Variants in STARD13 observed in about 807,000 individuals in gnomAD.
STARD13 encodes StAR related lipid transfer domain containing 13, also known as stAR-related lipid transfer protein 13.
A neutral mutation model predicts 106.4 loss-of-function variants in STARD13; 62 were observed. The observed-to-expected ratio is 0.58, with a 90% CI of 0.48 to 0.72. The LOEUF (loss-of-function observed/expected upper bound fraction) is 0.72. STARD13 is among the 30% of genes least tolerant of loss of function. The pLI, the probability that STARD13 is intolerant of heterozygous loss-of-function variation, is 0.00. For synonymous variants in STARD13, 565 were observed against 553.0 expected, an observed-to-expected ratio of 1.02 and a Z score of -0.31; for missense variants, 1,387 against 1,424.0, an observed-to-expected ratio of 0.97 and a Z score of 0.42.
chr13:33,401,605 C>T, the STARD13 span, among the ~76,000 whole-genome samples: 1 of 152,192 alleles, frequency 6.6e-6, no homozygotes, highest in Non-Finnish European at 1.5e-5. Flanking sequence ...ACCCAACTTT[C>T]CTTCTTGTCT....
At chr13:33,636,244 T>C in the STARD13 span, among the ~76,000 whole-genome samples, 1 of 151,780 alleles carries the variant, frequency 6.6e-6, no homozygotes, top group East Asian at 1.9e-4. Context: ...CTGATTGCGA[T>C]GATTTTTGTA....
At chr13:33,225,111 T>C (rs1888555040) in intron 1 of STARD13, among the ~76,000 whole-genome samples, 2 of 152,188 alleles carry the variant, frequency 1.3e-5, no homozygotes, top group South Asian at 4.1e-4. Context: ...AAACGGAATA[T>C]ACATAAATAA....
intron 3 of STARD13, 147 bp from the exon 4 acceptor site, chr13:33,142,520 G>T (rs1879972380): frequency 1.4e-6 from 1 of 696,654 alleles, no homozygotes; most frequent in East Asian, 2.8e-5. Context: ...CAGAAGGTAT[G>T]CTATATAGTA....
chr13:33,352,962 T>TA (rs2078093135), upstream of STARD13, among the ~76,000 whole-genome samples: 1 of 152,202 alleles, frequency 6.6e-6, no homozygotes, highest in African/African-American at 2.4e-5. Context: ...CCCCTAGCCC[T>TA]ACCTACCTTC....
chr13:33,364,218 C>A, the STARD13 span, among the ~76,000 whole-genome samples: 1 of 152,116 alleles, frequency 6.6e-6, no homozygotes, highest in African/African-American at 2.4e-5. Context: ...GTAATCATAG[C>A]ATTTTGGGAG....
intron 3 of STARD13, among the ~76,000 whole-genome samples, chr13:33,154,968 T>C (rs1173289464): frequency 3.3e-5 from 5 of 151,862 alleles, no homozygotes; most frequent in African/African-American, 9.7e-5. Context: ...TTCTTTTCAC[T>C]TGGGGCTTCT....
chr13:33,348,812 A>G, exon 2 of STARD13: 1 of 271,008 alleles, frequency 3.7e-6, no homozygotes, highest in African/African-American at 2.1e-5. Context: ...CCAAACCAAA[A>G]AAGTCTGTTT....
At chr13:33,350,499 G>C (rs1380623394) in exon 1 of STARD13, 1 of 1,465,882 alleles carries the variant, frequency 6.8e-7, no homozygotes, top group East Asian at 2.8e-5. Flanking sequence ...GACTGGAAAG[G>C]ACGGACGCGG....
Position 33,127,404 on chromosome 13 carries a change from G to A in STARD13, c.1891C>T (p.His631Tyr). Residue 631 changes from histidine (H) to tyrosine (Y), a missense_variant, in exon 6 of 14, where the codon CAC becomes TAC. His to Tyr is a moderately conservative substitution (Grantham distance 83). Transcript: ENST00000336934. ...CAGCCGTGCTTGTTGGACATGGAGT[G>A]CTTCTCCATGATGGCCGTGAGGCGG... Reference protein sequence around the residue: ...LLRLTAIMEKHSMSNKHGWTW... With the variant: ...LLRLTAIMEKYSMSNKHGWTW... 6.2e-7 allele frequency: 1 copy of A among 1,604,710 alleles called. No homozygotes were observed. The highest frequency in any genetic ancestry group is 8.5e-7 in the Non-Finnish European group (1 of 1,177,264).
chr13:33,586,423 T>C, the STARD13 span, among the ~76,000 whole-genome samples: 1 of 152,140 alleles, frequency 6.6e-6, no homozygotes, highest in Non-Finnish European at 1.5e-5. Context: ...TCTACATAAC[T>C]ATGGTCTCTT....
chr13:33,318,244 A>G (rs1401982377), intron 1 of STARD13, among the ~76,000 whole-genome samples: 1 of 152,170 alleles, frequency 6.6e-6, no homozygotes, highest in Non-Finnish European at 1.5e-5. Flanking sequence ...CTTACAATTG[A>G]CTCACTCATT....
the STARD13 span, among the ~76,000 whole-genome samples, chr13:33,392,791 T>C: frequency 6.6e-6 from 1 of 152,370 alleles, no homozygotes; most frequent in African/African-American, 2.4e-5. Context: ...TAATATGCAC[T>C]GGCAGAAACA....
At chr13:33,122,926 G>A (rs1270097051) in intron 7 of STARD13, among the ~76,000 whole-genome samples, 4 of 151,902 alleles carry the variant, frequency 2.6e-5, no homozygotes, top group African/African-American at 4.8e-5. Context: ...ATGGTGGTGC[G>A]TGCCTGTAAA....
At chr13:33,314,659 C>G (rs568777685) in intron 1 of STARD13, among the ~76,000 whole-genome samples, 41 of 152,204 alleles carry the variant, frequency 2.7e-4, no homozygotes, top group African/African-American at 9.4e-4. Flanking sequence ...AATAACACAA[C>G]CGAGCACCTA....
At chr13:33,510,253 A>G in the STARD13 span, among the ~76,000 whole-genome samples, 1 of 152,180 alleles carries the variant, frequency 6.6e-6, no homozygotes, top group South Asian at 2.1e-4. Flanking sequence ...TGAAAGCAGT[A>G]ACTGGATGAG....
the STARD13 span, among the ~76,000 whole-genome samples, chr13:33,442,232 C>G: frequency 1.3e-5 from 2 of 152,170 alleles, no homozygotes; most frequent in African/African-American, 4.8e-5. Flanking sequence ...CACTTACGAA[C>G]TAAGAGCAAT....
At chr13:33,651,484 C>T in the STARD13 span, among the ~76,000 whole-genome samples, 1 of 152,226 alleles carries the variant, frequency 6.6e-6, no homozygotes, top group Non-Finnish European at 1.5e-5. Flanking sequence ...CTTACACCCC[C>T]TGTCATTCTT....
intron 1 of STARD13, among the ~76,000 whole-genome samples, chr13:33,318,750 C>T (rs559570572): frequency 6.6e-6 from 1 of 152,058 alleles, no homozygotes; most frequent in South Asian, 2.1e-4. Flanking sequence ...TAAGAATGGT[C>T]AGAGATTTGA....
the STARD13 span, among the ~76,000 whole-genome samples, chr13:33,533,381 A>C: frequency 1.1e-4 from 17 of 152,202 alleles, no homozygotes; most frequent in Non-Finnish European, 1.5e-5. Context: ...ATGTGATTAT[A>C]AATGGTCTGA....
Sources: gnomAD v4.1 joint callset for allele counts (sites outside exome capture counted in the v4.1 genomes callset) on GRCh38, gnomAD v4.1.1 for gene constraint, MANE v1.5 for transcripts, NCBI Gene and HGNC (gene_info 2026-07-23, HGNC 2026-07-21) for gene names.